The following CRMP1 variants were observed in gnomAD, a reference collection of about 807,000 sequenced individuals.
The protein encoded by CRMP1 is dihydropyrimidinase-related protein 1.
CRMP1 carries 19 observed loss-of-function variants against 68.3 expected under a neutral mutation model. The ratio of observed to expected loss-of-function variants is 0.28; its 90% CI spans 0.19 to 0.41. The LOEUF is 0.41. Ranked by LOEUF, CRMP1 falls within the 10% of genes least tolerant of loss-of-function variation. The pLI is 1.00. For synonymous variants in CRMP1, 439 were observed against 399.6 expected, an observed-to-expected ratio of 1.10 and a Z score of -1.18; for missense variants, 791 against 967.4, an observed-to-expected ratio of 0.82 and a Z score of 2.42.
chr4:5,825,842 T>C lies in CRMP1; in HGVS notation c.1804-183A>G. The C allele has an allele frequency of 1.7e-6, 1 of 605,396 alleles. No individual in the cohort carries two copies. 37.5% of individuals were successfully genotyped at this position (605,396 alleles called of 1,614,324 possible). ...ACACACATGCAGCCGCACACAGGCA[T>C]TCATACACACAAGCATGCATACACA... On this transcript the variant is annotated intron_variant, in intron 12 of 13. Transcript: ENST00000324989. This position sits in a 1 kb window ranked among gnomAD's most constrained non-coding sequence, Gnocchi z 4.4.
chr4:5,830,525 T>C (rs927956860), intron 11 of CRMP1, among the ~76,000 whole-genome samples: 1 of 152,238 alleles, frequency 6.6e-6, no homozygotes, highest in Non-Finnish European at 1.5e-5. Context: ...ATTTGTTTGA[T>C]AGTAAATAGT....
chr4:5,839,565 G>T lies in CRMP1; in HGVS notation c.1267C>A (p.Pro423Thr), dbSNP rs757651187. The change falls in exon 9 of 14, where the codon CCG (proline) becomes ACG (threonine). Residue 423 changes from proline (P) to threonine (T), a missense_variant. Pro to Thr is a conservative substitution (Grantham distance 38). Transcript: ENST00000324989. The part of the protein sequence containing the change: ...AAFVTSPPLS[P>T]DPTTPDYLTS... The stretch of plus-strand genomic sequence containing the variant: ...AAGTAGTCGGGCGTGGTAGGGTCCG[G>T]GCTCAGGGGAGGGGAAGTCACGAAC... The T allele has an allele frequency of 6.2e-7, 1 of 1,612,406 alleles. No individual in the cohort carries two copies. The highest frequency in any genetic ancestry group is 8.5e-7 in the Non-Finnish European group (1 of 1,179,346).
rs1715046643 is a variant in CRMP1, at chr4:5,879,017, C to T, written c.382-12261G>A. Among the ~76,000 whole-genome samples the T allele has an allele frequency of 6.6e-6, 1 of 152,200 alleles. No individual in the cohort carries two copies. The highest frequency in any genetic ancestry group is 2.4e-5 in the African/African-American group (1 of 41,448). ...CTCACCCCATCTCCCTGCCACAGAA[C>T]TTGTCCACTCCATATGACAGGCAGA... On this transcript the variant is annotated intron_variant, in intron 1 of 13. Coordinates refer to ENST00000324989, the MANE Select transcript of CRMP1 (RefSeq NM_001014809.3). The surrounding 1 kb of genome is among the most constrained non-coding windows in gnomAD (Gnocchi z 4.2).
Position 5,891,573 on chromosome 4 carries a change from G to A in CRMP1, c.381+1016C>T, listed in dbSNP as rs571207548. On this transcript the variant is annotated intron_variant, in intron 1 of 13. Transcript: ENST00000324989. The surrounding 1 kb of genome is among the most constrained non-coding windows in gnomAD (Gnocchi z 5.2). ...CACCCTAGCCTGGGAACTTCTGGAG[G>A]GTGGGGCCAGGTTGCTGAGCCAGGG... Among the ~76,000 whole-genome samples, 1 of 152,334 alleles carries A rather than the reference G, an allele frequency of 6.6e-6. No individual in the cohort carries two copies. The highest frequency in any genetic ancestry group is 1.5e-5 in the Non-Finnish European group (1 of 68,028).
chr4:5,843,595 G>A lies in CRMP1; in HGVS notation c.964-434C>T, dbSNP rs541442412. 2.0e-5 allele frequency among the ~76,000 whole-genome samples: 3 copies of A among 152,134 alleles called. No homozygotes were observed. Among genetic ancestry groups the A allele is most frequent in the African/African-American group, 4.8e-5 (2 of 41,434 alleles). ...GAAATCAAAGATCCCGAAACTGGGA[G>A]TCCAGATCCAGAACAGCCGTCTCTG... On this transcript the variant is annotated intron_variant, in intron 6 of 13. Coordinates refer to ENST00000324989, the MANE Select transcript of CRMP1 (RefSeq NM_001014809.3). The surrounding 1 kb of genome is among the most constrained non-coding windows in gnomAD (Gnocchi z 4.1).
intron 1 of CRMP1, among the ~76,000 whole-genome samples, chr4:5,867,636 G>T (rs986028459): frequency 6.6e-6 from 1 of 152,132 alleles, no homozygotes; most frequent in Non-Finnish European, 1.5e-5. Flanking sequence ...ACCAGGCACA[G>T]AGCTGGAATC....
Position 5,851,389 on chromosome 4 carries a change from G to GT in CRMP1, c.882+18dup. On this transcript the variant is annotated intron_variant, in intron 5 of 13. Coordinates refer to ENST00000324989, the MANE Select transcript of CRMP1 (RefSeq NM_001014809.3). ...TCCTGCCCAGACAAGAGAGGAGAGA[G>GT]TGAGTGTGAGGGACCTACCTGGCTG... The GT allele has an allele frequency of 6.2e-7, 1 of 1,611,806 alleles. No homozygotes were observed. Among genetic ancestry groups the GT allele is most frequent in the Non-Finnish European group, 8.5e-7 (1 of 1,177,812 alleles).
chr4:5,838,435 G>A lies in CRMP1; in HGVS notation c.1310+1087C>T, dbSNP rs1200631049. On this transcript the variant is annotated intron_variant, in intron 9 of 13. Coordinates refer to ENST00000324989, the MANE Select transcript of CRMP1 (RefSeq NM_001014809.3). This position sits in a 1 kb window ranked among gnomAD's most constrained non-coding sequence, Gnocchi z 4.9. ...GGTTCTAAATGTCTGACAGCAGACT[G>A]TGATGGGTAGGGTGGGGTGGGCCCG... 6.6e-6 allele frequency among the ~76,000 whole-genome samples: 1 copy of A among 152,074 alleles called. No homozygotes were observed. The highest frequency in any genetic ancestry group is 1.5e-5 in the Non-Finnish European group (1 of 68,020).
intron 1 of CRMP1, among the ~76,000 whole-genome samples, chr4:5,884,353 C>T (rs1715419869): frequency 6.6e-6 from 1 of 152,014 alleles, no homozygotes; most frequent in Non-Finnish European, 1.5e-5. Context: ...ATCCTTCTTT[C>T]CTGATCATCT....
intron 11 of CRMP1, among the ~76,000 whole-genome samples, chr4:5,835,288 C>G (rs1232714865): frequency 2.6e-5 from 4 of 152,226 alleles, no homozygotes; most frequent in Non-Finnish European, 5.9e-5. Flanking sequence ...CTTGGCCATG[C>G]AGGAGGGTGT....
At position 5,865,068 on chromosome 4, in the gene CRMP1, GCCTCCT is replaced by G. The variant is rs1020669839; in HGVS notation, c.470+1594_470+1599del. On this transcript the variant is annotated intron_variant, in intron 2 of 13. Transcript: ENST00000324989. This position sits in a 1 kb window ranked among gnomAD's most constrained non-coding sequence, Gnocchi z 4.1. ...AATACTCCACAGCCCCTTTCCCCCA[GCCTCCT>G]CCTCCTCCTCCATCATCATCTCCAA... Among the ~76,000 whole-genome samples the G allele has an allele frequency of 6.6e-6, 1 of 151,392 alleles. No homozygotes were observed. The highest frequency in any genetic ancestry group is 1.5e-5 in the Non-Finnish European group (1 of 67,872).
At position 5,866,890 on chromosome 4, in the gene CRMP1, A is replaced by C; in HGVS notation, c.382-134T>G. On this transcript the variant is annotated intron_variant, in intron 1 of 13. Transcript: ENST00000324989. The surrounding 1 kb of genome is among the most constrained non-coding windows in gnomAD (Gnocchi z 5.9). The stretch of plus-strand genomic sequence containing the variant: ...ATTTAACTTCCCCCGCCCCAGATCC[A>C]TCACCAGCTTCAATACTTCTCTATC... 1.7e-6 allele frequency: 1 copy of C among 583,020 alleles called. No homozygotes were observed. 36.1% of individuals were successfully genotyped at this position (583,020 alleles called of 1,614,324 possible). A position where few individuals can be genotyped will look rare whatever the true frequency, so the allele number is the denominator to read the frequency against.
Position 5,893,049 on chromosome 4 carries a change from G to A in CRMP1, c.-80C>T. The A allele has an allele frequency of 1.1e-6, 1 of 950,190 alleles. No homozygotes were observed. The highest frequency in any genetic ancestry group is 1.3e-6 in the Non-Finnish European group (1 of 788,466). The allele number at this position is 950,190 out of a possible 1,614,324, so 58.9% of individuals were successfully genotyped here. ...GGCACCGCCGTGCGCCGCGCTCCGC[G>A]CCTCGGTGCGGGCCTGCGGCGGCCC... On this transcript the variant is annotated 5_prime_UTR_variant, in exon 1 of 14. Coordinates refer to ENST00000324989, the MANE Select transcript of CRMP1 (RefSeq NM_001014809.3).
chr4:5,834,787 C>G lies in CRMP1; in HGVS notation c.1623+1128G>C, dbSNP rs1026660728. 6.6e-6 allele frequency among the ~76,000 whole-genome samples: 1 copy of G among 152,186 alleles called. No homozygotes were observed. Among genetic ancestry groups the G allele is most frequent in the African/African-American group, 2.4e-5 (1 of 41,438 alleles). On this transcript the variant is annotated intron_variant, in intron 11 of 13. Transcript: ENST00000324989. The surrounding 1 kb of genome is among the most constrained non-coding windows in gnomAD (Gnocchi z 4.3). ...ACCTTTCTCCATGGGAAGATGATCT[C>G]AGGCACCCCGTTCCCTGGAGATGGG...
At chr4:5,874,642 A>C (rs1344657626) in intron 1 of CRMP1, among the ~76,000 whole-genome samples, 2 of 152,104 alleles carry the variant, frequency 1.3e-5, no homozygotes, top group Non-Finnish European at 2.9e-5. Flanking sequence ...ACAAGAGGCA[A>C]GGAGAGACAG....
chr4:5,876,744 C>A (rs76546662), intron 1 of CRMP1, among the ~76,000 whole-genome samples: 1 of 151,344 alleles, frequency 6.6e-6, no homozygotes, highest in African/African-American at 2.4e-5. Flanking sequence ...ATCCCCCCAC[C>A]ACCCCCCTTC....
Position 5,853,979 on chromosome 4 carries a change from A to G in CRMP1, c.820+2164T>C, listed in dbSNP as rs1712849266. Among the ~76,000 whole-genome samples, 1 of 152,230 alleles carries G rather than the reference A, an allele frequency of 6.6e-6. No individual in the cohort carries two copies. Among genetic ancestry groups the G allele is most frequent in the Non-Finnish European group, 1.5e-5 (1 of 68,042 alleles). On this transcript the variant is annotated intron_variant, in intron 4 of 13. Transcript: ENST00000324989. The surrounding 1 kb of genome is among the most constrained non-coding windows in gnomAD (Gnocchi z 4.7). ...GACCCAGCCCAGATGCGCACAGCAC[A>G]GGGCTCCCTGGATGCCTGCAGGCAG...
chr4:5,853,430 A>G lies in CRMP1; in HGVS notation c.821-1961T>C, dbSNP rs1712812304. On this transcript the variant is annotated intron_variant, in intron 4 of 13. Transcript: ENST00000324989. The surrounding 1 kb of genome is among the most constrained non-coding windows in gnomAD (Gnocchi z 4.7). ...AGGAAAGAAAGAAAGAGCTGCATCT[A>G]AGAGATAGCAAGTGTTGATGAGGAT... 6.6e-6 allele frequency among the ~76,000 whole-genome samples: 1 copy of G among 152,180 alleles called. No individual in the cohort carries two copies. The highest frequency in any genetic ancestry group is 2.4e-5 in the African/African-American group (1 of 41,440).
In CRMP1 at chr4:5,854,025, C is replaced by G. The variant is rs79975203; in HGVS notation, c.820+2118G>C. ...GGCAGCACAGACCCACTAGGCCTCA[C>G]GGAGCCCAGTGTCTTTCCCTACAAA... On this transcript the variant is annotated intron_variant, in intron 4 of 13. Transcript: ENST00000324989. This position sits in a 1 kb window ranked among gnomAD's most constrained non-coding sequence, Gnocchi z 4.0. Among the ~76,000 whole-genome samples, 26 of 152,328 alleles carry G rather than the reference C, an allele frequency of 1.7e-4. No individual in the cohort carries two copies. Among genetic ancestry groups the G allele is most frequent in the South Asian group, 1.2e-3 (6 of 4,830 alleles).
Sources: gnomAD v4.1 joint callset for allele counts (sites outside exome capture counted in the v4.1 genomes callset) on GRCh38, gnomAD v4.1.1 for gene constraint, Gnocchi (gnomAD v3.1) non-coding constraint, MANE v1.5 for transcripts, NCBI Gene and HGNC (gene_info 2026-07-23, HGNC 2026-07-21) for gene names.